The following MAPK10 variants were observed in gnomAD, a reference collection of about 807,000 sequenced individuals.
The protein encoded by MAPK10 is mitogen-activated protein kinase 10.
Under a neutral mutation model 59.3 loss-of-function variants are expected in MAPK10, and 25 were observed. The ratio of observed to expected loss-of-function variants is 0.42; its 90% CI spans 0.31 to 0.59. The LOEUF is 0.59. Among genes scored for constraint, MAPK10 ranks in the 20% least tolerant of loss-of-function variants. MAPK10 has a pLI of 0.15. For missense variants in MAPK10, 351 were observed against 568.9 expected, an observed-to-expected ratio of 0.62 and a Z score of 3.90; for synonymous variants, 190 against 200.5, an observed-to-expected ratio of 0.95 and a Z score of 0.44.
At chr4:86,206,468 C>A (rs1202721884) in intron 2 of MAPK10, among the ~76,000 whole-genome samples, 1 of 151,916 alleles carries the variant, frequency 6.6e-6, no homozygotes, top group Non-Finnish European at 1.5e-5. Flanking sequence ...GGGTTGGTTC[C>A]AAGTCTTTGC....
intron 1 of MAPK10, among the ~76,000 whole-genome samples, chr4:86,508,140 C>CA (rs1339073486): frequency 1.3e-5 from 2 of 151,968 alleles, no homozygotes; most frequent in African/African-American, 4.8e-5. Flanking sequence ...TTCCTATTCG[C>CA]AAAAAAATAT....
At chr4:86,153,278 AGACTC>A (rs1410262978) in intron 4 of MAPK10, among the ~76,000 whole-genome samples, 4 of 152,232 alleles carry the variant, frequency 2.6e-5, no homozygotes, top group Non-Finnish European at 5.9e-5. Flanking sequence ...TTTACAGAAA[AGACTC>A]AATCATCTGT....
At chr4:86,165,091 A>G (rs1366748731) in intron 3 of MAPK10, among the ~76,000 whole-genome samples, 4 of 152,240 alleles carry the variant, frequency 2.6e-5, no homozygotes, top group African/African-American at 7.2e-5. Context: ...ATTAACCACA[A>G]AGTGCACTTG....
intron 1 of MAPK10, chr4:86,358,344 AT>A: frequency 1.0e-6 from 1 of 985,414 alleles, no homozygotes; most frequent in Non-Finnish European, 1.2e-6. Context: ...GAGATATTGG[AT>A]GTTGTGCTGG....
At chr4:86,163,365 T>C (rs2070491009) in intron 3 of MAPK10, among the ~76,000 whole-genome samples, 1 of 152,112 alleles carries the variant, frequency 6.6e-6, no homozygotes. Flanking sequence ...GTCATGACTA[T>C]AAAGTTCAAA....
intron 1 of MAPK10, among the ~76,000 whole-genome samples, chr4:86,387,493 A>T (rs958080109): frequency 6.6e-6 from 1 of 152,216 alleles, no homozygotes; most frequent in African/African-American, 2.4e-5. Flanking sequence ...AGAATCTTGA[A>T]TTATAAAACA....
chr4:86,447,204 T>TGATC (rs1431841110), intron 1 of MAPK10, among the ~76,000 whole-genome samples: 1 of 152,154 alleles, frequency 6.6e-6, no homozygotes, highest in Non-Finnish European at 1.5e-5. Flanking sequence ...GCTGTTCTTG[T>TGATC]GATCGTGAGA....
intron 1 of MAPK10, among the ~76,000 whole-genome samples, chr4:86,382,016 C>A (rs1296835517): frequency 6.6e-6 from 1 of 152,066 alleles, no homozygotes; most frequent in Non-Finnish European, 1.5e-5. Flanking sequence ...ACATTCGGAG[C>A]CAATAATTCC....
At chr4:86,378,249 C>T (rs1214743345) in intron 1 of MAPK10, among the ~76,000 whole-genome samples, 3 of 152,110 alleles carry the variant, frequency 2.0e-5, no homozygotes, top group South Asian at 4.1e-4. Flanking sequence ...CTCCTTCTCT[C>T]CCTCACTGGC....
intron 2 of MAPK10, among the ~76,000 whole-genome samples, chr4:86,348,310 C>A (rs139760941): frequency 5.3e-5 from 8 of 152,228 alleles, no homozygotes; most frequent in East Asian, 3.9e-4. Context: ...ATCATCTGTG[C>A]CTTGTCTTCA....
chr4:86,206,191 C>A (rs1289766648), intron 2 of MAPK10, among the ~76,000 whole-genome samples: 1 of 151,684 alleles, frequency 6.6e-6, no homozygotes, highest in Non-Finnish European at 1.5e-5. Flanking sequence ...GCTATCCCTC[C>A]CCCGTCCCCC....
chr4:86,312,467 G>A lies in MAPK10; in HGVS notation c.-7+42063C>T, dbSNP rs181073739. On this transcript the variant is annotated intron_variant, in intron 2 of 13. Coordinates refer to ENST00000641462, the MANE Select transcript of MAPK10 (RefSeq NM_138982.4). ...ATTGGAAATATTTCTGAAACTTGCC[G>A]GACTTCTGGTTGAAAGGTGAATAGC... 1.3e-3 allele frequency among the ~76,000 whole-genome samples: 199 copies of A among 152,008 alleles called. 1 individual carries two copies. The highest frequency in any genetic ancestry group is 2.3e-3 in the Admixed American group (35 of 15,226).
chr4:86,419,505 G>A (rs1353650494), intron 1 of MAPK10, among the ~76,000 whole-genome samples: 1 of 151,962 alleles, frequency 6.6e-6, no homozygotes, highest in Non-Finnish European at 1.5e-5. Context: ...CTATACTGAG[G>A]GACTTGTACT....
chr4:86,381,142 G>T (rs1404092618), intron 1 of MAPK10, among the ~76,000 whole-genome samples: 1 of 152,138 alleles, frequency 6.6e-6, no homozygotes, highest in Non-Finnish European at 1.5e-5. Context: ...AATCTTTGAG[G>T]ATCTGGCAGT....
intron 9 of MAPK10, among the ~76,000 whole-genome samples, chr4:86,076,045 G>A (rs1273074503): frequency 2.6e-5 from 4 of 152,096 alleles, no homozygotes; most frequent in African/African-American, 4.8e-5. Context: ...CAATCAGCGA[G>A]ATTCCGTGGG....
chr4:86,461,632 G>T (rs1751755615), intron 1 of MAPK10, among the ~76,000 whole-genome samples: 1 of 152,174 alleles, frequency 6.6e-6, no homozygotes, highest in African/African-American at 2.4e-5. Flanking sequence ...GAGGAGGAAG[G>T]AGAGTATAAT....
At chr4:86,031,499 C>T (rs1214604447) in intron 11 of MAPK10, 68 bp from the exon 12 acceptor site, 8 of 1,036,392 alleles carry the variant, frequency 7.7e-6, no homozygotes, top group Admixed American at 1.8e-5. Context: ...TTACAATGCA[C>T]GAGAATACCT....
intron 2 of MAPK10, among the ~76,000 whole-genome samples, chr4:86,244,330 TTAA>T (rs2092939031): frequency 1.3e-5 from 2 of 152,216 alleles, no homozygotes; most frequent in African/African-American, 4.8e-5. Context: ...TCATTTTTTA[TTAA>T]TAACATGAAA....
At chr4:86,079,382 A>G (rs1172732126) in intron 9 of MAPK10, 1 of 152,220 alleles carries the variant, frequency 6.6e-6, no homozygotes, top group African/African-American at 2.4e-5. Flanking sequence ...TATGTGTAGC[A>G]ATGGCAGAAT....
Sources: allele counts gnomAD v4.1 joint callset (sites outside exome capture counted in the v4.1 genomes callset), GRCh38; gene constraint gnomAD v4.1.1; transcripts MANE v1.5; gene names NCBI Gene and HGNC (gene_info 2026-07-23, HGNC 2026-07-21).